FAM184B: variants seen among roughly 807,000 people sequenced by gnomAD.
The protein encoded by FAM184B is family with sequence similarity 184 member B.
In FAM184B, 111 loss-of-function variants were observed where a neutral mutation model predicts 135.9. That is an observed-to-expected ratio of 0.82 (90% CI 0.70 to 0.96). The LOEUF is 0.96. Ranked by LOEUF, FAM184B falls within the 40% of genes least tolerant of loss-of-function variation. FAM184B has a pLI of 0.00. For synonymous variants in FAM184B, 552 were observed against 524.8 expected (o/e 1.05, Z -0.71); for missense variants, 1,375 against 1,323.9 (o/e 1.04, Z -0.60).
chr4:17,639,105 T>C (rs1173606230), intron 14 of FAM184B, 145 bp downstream of exon 14: 1 of 775,334 alleles, frequency 1.3e-6, no homozygotes, highest in Non-Finnish European at 2.0e-6. Flanking sequence ...AAGTGCTGGA[T>C]TCCAGGCATG....
chr4:17,657,080 C>G (rs1715792615), intron 10 of FAM184B, among the ~76,000 whole-genome samples: 1 of 152,082 alleles, frequency 6.6e-6, no homozygotes. Flanking sequence ...AAATATTATT[C>G]ACTATTGAGC....
At chr4:17,708,697 A>G (rs1313401565) in intron 2 of FAM184B, among the ~76,000 whole-genome samples, 195 bp downstream of exon 2, 16 of 53,172 alleles carry the variant, frequency 3.0e-4, no homozygotes, top group East Asian at 8.3e-4. Flanking sequence ...ATATATATAT[A>G]TATATATATA....
chr4:17,643,202 GAT>G (rs954014840), intron 12 of FAM184B, among the ~76,000 whole-genome samples: 3 of 152,216 alleles, frequency 2.0e-5, no homozygotes, highest in African/African-American at 7.2e-5. Context: ...GGGTGGGAGA[GAT>G]ATGAGAATTA....
intron 12 of FAM184B, among the ~76,000 whole-genome samples, chr4:17,646,735 TAAAAA>T (rs957843008): frequency 3.6e-4 from 55 of 151,886 alleles, no homozygotes; most frequent in African/African-American, 1.3e-3. Context: ...ATAATAATAA[TAAAAA>T]AAGAAAAGAA....
intron 1 of FAM184B, among the ~76,000 whole-genome samples, chr4:17,743,584 C>T (rs999042867): frequency 2.6e-5 from 4 of 152,316 alleles, no homozygotes; most frequent in Middle Eastern, 3.4e-3. Flanking sequence ...AAACAAGAAT[C>T]GTCTTGTGCT....
At chr4:17,658,060 A>G (rs1715816955) in intron 10 of FAM184B, among the ~76,000 whole-genome samples, 1 of 152,160 alleles carries the variant, frequency 6.6e-6, no homozygotes, top group African/African-American at 2.4e-5. Context: ...TAGTCATGAA[A>G]GCAAGTCGTT....
At position 17,739,555 on chromosome 4, in the gene FAM184B, G is replaced by GTTTTTTTTTGTTTTTTTT. The variant is rs1553841417; in HGVS notation, c.142-29912_142-29911insAAAAAAAACAAAAAAAAA. Among the ~76,000 whole-genome samples the GTTTTTTTTTGTTTTTTTT allele has an allele frequency of 2.9e-4, 18 of 62,508 alleles. 3 individuals carry two copies. Among genetic ancestry groups the GTTTTTTTTTGTTTTTTTT allele is most frequent in the African/African-American group, 1.1e-3 (18 of 16,252 alleles). The allele number at this position is 62,508 out of a possible 152,430, so 41.0% of individuals were successfully genotyped here. ...CCCTACACCATATGTCATACCAACT[G>GTTTTTTTTTGTTTTTTTT]TTTTTTTTTTTTTTTTGAGATGGGG... On this transcript the variant is annotated intron_variant, in intron 1 of 17. Coordinates refer to ENST00000265018, the MANE Select transcript of FAM184B (RefSeq NM_015688.2).
At chr4:17,765,808 A>C (rs1425327563) in intron 1 of FAM184B, among the ~76,000 whole-genome samples, 1 of 152,158 alleles carries the variant, frequency 6.6e-6, no homozygotes, top group Non-Finnish European at 1.5e-5. Flanking sequence ...GTGTGTCCAG[A>C]GTTTGTTCCT....
chr4:17,781,103 T>C lies in FAM184B; in HGVS notation c.141+56A>G, dbSNP rs536113990. 2.5e-5 allele frequency: 36 copies of C among 1,463,310 alleles called. No homozygotes were observed. The East Asian group carries it at 9.2e-4, about 37-fold the overall frequency. 90.6% of individuals were successfully genotyped at this position (1,463,310 alleles called of 1,614,324 possible). A position where few individuals can be genotyped will look rare whatever the true frequency, so the allele number is the denominator to read the frequency against. ...TCCCGGGAGGCGCATCCGCACTGACTCCCGGCTCGGGCGCCCCGGGCGTGC... is the reference window on the plus strand; with the variant it reads ...TCCCGGGAGGCGCATCCGCACTGACCCCCGGCTCGGGCGCCCCGGGCGTGC... On this transcript the variant is annotated intron_variant, in intron 1 of 17. Coordinates refer to ENST00000265018, the MANE Select transcript of FAM184B (RefSeq NM_015688.2). This position sits in a 1 kb window ranked among gnomAD's most constrained non-coding sequence, Gnocchi z 6.5.
At chr4:17,664,721 A>T in intron 7 of FAM184B, 62 bp from the exon 8 acceptor site, 1 of 1,338,204 alleles carries the variant, frequency 7.5e-7, no homozygotes, top group Non-Finnish European at 1.0e-6. Flanking sequence ...GTACAGCTTC[A>T]TGATTCAACC....
chr4:17,733,403 G>T (rs1163946920), intron 1 of FAM184B, among the ~76,000 whole-genome samples: 1 of 152,184 alleles, frequency 6.6e-6, no homozygotes, highest in Non-Finnish European at 1.5e-5. Context: ...GTCCCTGTTT[G>T]CAGATGACAT....
At chr4:17,728,792 C>G (rs1307812671) in intron 1 of FAM184B, among the ~76,000 whole-genome samples, 1 of 152,142 alleles carries the variant, frequency 6.6e-6, no homozygotes, top group African/African-American at 2.4e-5. Context: ...CGAATAGGAA[C>G]AGCTCTGGTC....
chr4:17,704,999 C>T lies in FAM184B; in HGVS notation c.1377+1G>A, dbSNP rs1717073249. ...ACAGTCTCTATGGAAGTAGGTCTCA[C>T]CCTCTGCAGTTTCTTTCTTTCAGCC... On this transcript the variant is annotated splice_donor_variant, in intron 5 of 17. Transcript: ENST00000265018. LOFTEE classifies it high-confidence loss of function. 1.3e-6 allele frequency: 2 copies of T among 1,551,382 alleles called. No homozygotes were observed. The highest frequency in any genetic ancestry group is 1.2e-5 in the South Asian group (1 of 84,028).
intron 11 of FAM184B, among the ~76,000 whole-genome samples, chr4:17,648,785 G>T (rs910317399): frequency 7.2e-5 from 11 of 152,144 alleles, no homozygotes; most frequent in Non-Finnish European, 1.5e-4. Flanking sequence ...ATCCAGGAGA[G>T]ATGTGTACGT....
At chr4:17,678,233 C>T (rs1716359619) in intron 7 of FAM184B, among the ~76,000 whole-genome samples, 1 of 152,158 alleles carries the variant, frequency 6.6e-6, no homozygotes, top group African/African-American at 2.4e-5. Context: ...GTCAAACTAT[C>T]ACTGTTTGCT....
intron 7 of FAM184B, among the ~76,000 whole-genome samples, chr4:17,671,463 C>G (rs970783566): frequency 5.9e-5 from 9 of 152,082 alleles, no homozygotes; most frequent in African/African-American, 1.9e-4. Context: ...CTTCCTGCTT[C>G]TTACTGGGAG....
chr4:17,684,088 T>C (rs1425712317), intron 7 of FAM184B, among the ~76,000 whole-genome samples: 1 of 4,656 alleles, frequency 2.1e-4, no homozygotes, highest in East Asian at 0.083. Flanking sequence ...ATAATAATAG[T>C]AATTACTATT....
At chr4:17,705,495 T>G (rs1717087819) in intron 4 of FAM184B, among the ~76,000 whole-genome samples, 1 of 152,202 alleles carries the variant, frequency 6.6e-6, no homozygotes, top group Admixed American at 6.5e-5. Flanking sequence ...GAACATGCAA[T>G]GAGATCCTAA....
Position 17,781,443 on chromosome 4 carries a change from C to T in FAM184B, c.-144G>A, listed in dbSNP as rs756457585. The T allele has an allele frequency of 2.1e-5, 22 of 1,041,512 alleles. No homozygotes were observed. The highest frequency in any genetic ancestry group is 2.4e-5 in the Non-Finnish European group (19 of 784,904). The allele number at this position is 1,041,512 out of a possible 1,614,324, so 64.5% of individuals were successfully genotyped here. ...CCGTCGCCTGCACCGCCGCGTGGCC[C>T]CAGCTTCCCGAAGGTCTCCGCCTCC... On this transcript the variant is annotated 5_prime_UTR_variant, in exon 1 of 18. Coordinates refer to ENST00000265018, the MANE Select transcript of FAM184B (RefSeq NM_015688.2). The surrounding 1 kb of genome is among the most constrained non-coding windows in gnomAD (Gnocchi z 6.5).
Sources: allele counts gnomAD v4.1 joint callset (sites outside exome capture counted in the v4.1 genomes callset), GRCh38; gene constraint gnomAD v4.1.1; non-coding constraint Gnocchi (gnomAD v3.1); transcripts MANE v1.5; gene names NCBI Gene and HGNC (gene_info 2026-07-23, HGNC 2026-07-21).